The following ZNF536 variants were observed in gnomAD, a reference collection of about 807,000 sequenced individuals.
ZNF536 encodes zinc finger protein 536.
ZNF536 carries 13 observed loss-of-function variants against 84.5 expected under a neutral mutation model. The ratio of observed to expected loss-of-function variants is 0.15; its 90% confidence interval spans 0.10 to 0.24. ZNF536 has a LOEUF of 0.24. Among genes scored for constraint, ZNF536 ranks in the 10% least tolerant of loss-of-function variants. The pLI, the probability that ZNF536 is intolerant of heterozygous loss-of-function variation, is 1.00. For missense variants in ZNF536, 1,536 were observed against 1,747.5 expected, an observed-to-expected ratio of 0.88 and a Z score of 2.16; for synonymous variants, 811 against 742.5, an observed-to-expected ratio of 1.09 and a Z score of -1.50.
downstream of ZNF536, among the ~76,000 whole-genome samples, chr19:30,559,383 T>C (rs1398691984): frequency 6.6e-6 from 1 of 152,248 alleles, no homozygotes; most frequent in Non-Finnish European, 1.5e-5. Context: ...CCAGTGTATA[T>C]AGGCCAAGCC....
chr19:30,312,164 C>T (rs1051678406), intron 2 of ZNF536, among the ~76,000 whole-genome samples: 15 of 152,298 alleles, frequency 9.8e-5, no homozygotes, highest in Middle Eastern at 3.4e-3. Flanking sequence ...GTACAGTTTG[C>T]ACTTGCCATT....
chr19:30,274,452 CA>C (rs1279409805), intron 1 of ZNF536, among the ~76,000 whole-genome samples: 5 of 152,214 alleles, frequency 3.3e-5, no homozygotes, highest in African/African-American at 1.2e-4. Flanking sequence ...ATTAATGAGA[CA>C]TTTTTCATTC....
intron 1 of ZNF536, among the ~76,000 whole-genome samples, chr19:30,566,277 A>C (rs1035799416): frequency 6.6e-6 from 1 of 152,130 alleles, no homozygotes; most frequent in African/African-American, 2.4e-5. Context: ...TCTGGGGCAG[A>C]TGACTGTTTC....
intron 1 of ZNF536, among the ~76,000 whole-genome samples, chr19:30,579,710 C>T (rs1218597823): frequency 6.6e-6 from 1 of 152,142 alleles, no homozygotes; most frequent in African/African-American, 2.4e-5. Flanking sequence ...TCTTTCTGTC[C>T]CCACATCCCC....
intron 1 of ZNF536, among the ~76,000 whole-genome samples, chr19:30,617,012 C>T (rs767790547): frequency 2.0e-5 from 3 of 152,122 alleles, no homozygotes; most frequent in Middle Eastern, 3.4e-3. Flanking sequence ...TTTCTGATTT[C>T]GTGAATTTGG....
intron 1 of ZNF536, among the ~76,000 whole-genome samples, chr19:30,673,068 C>T (rs914213107): frequency 4.6e-5 from 7 of 152,180 alleles, no homozygotes; most frequent in Non-Finnish European, 1.0e-4. Flanking sequence ...AAACAGCCTG[C>T]AGGAGATGGC....
At chr19:30,631,546 G>A (rs1197660709) in intron 1 of ZNF536, among the ~76,000 whole-genome samples, 1 of 152,194 alleles carries the variant, frequency 6.6e-6, no homozygotes, top group East Asian at 1.9e-4. Context: ...TTTGGATCCT[G>A]CCGTAAAGGA....
At chr19:30,612,563 T>C (rs1456052867) in intron 1 of ZNF536, among the ~76,000 whole-genome samples, 2 of 152,234 alleles carry the variant, frequency 1.3e-5, no homozygotes, top group Non-Finnish European at 2.9e-5. Context: ...GGATTTTCCA[T>C]TTTGATGTAA....
At chr19:30,607,999 T>C (rs1599977870) in intron 1 of ZNF536, among the ~76,000 whole-genome samples, 1 of 152,336 alleles carries the variant, frequency 6.6e-6, no homozygotes, top group East Asian at 1.9e-4. Flanking sequence ...CTGGTATTGA[T>C]GCTTACCCAT....
chr19:30,569,559 C>CTTTTTTTTTTTTTTTTTTTT (rs34995610), intron 1 of ZNF536, among the ~76,000 whole-genome samples: 1 of 55,094 alleles, frequency 1.8e-5, no homozygotes, highest in Non-Finnish European at 3.3e-5. Context: ...GATAAACGTT[C>CTTTTTTTTTTTTTTTTTTTT]TTTTTTTTTT....
intron 1 of ZNF536, among the ~76,000 whole-genome samples, chr19:30,248,912 C>T (rs776583245): frequency 2.0e-5 from 3 of 152,202 alleles, no homozygotes; most frequent in East Asian, 1.9e-4. Flanking sequence ...GGACAAGTCA[C>T]TACTGTGTGC....
In ZNF536 at chr19:30,445,212, C is replaced by A. The variant is rs1366666974; in HGVS notation, c.1650C>A (p.Asp550Glu). 6.2e-7 allele frequency: 1 copy of A among 1,614,178 alleles called. No homozygotes were observed. Among genetic ancestry groups the A allele is most frequent in the South Asian group, 1.1e-5 (1 of 91,088 alleles). The change falls in exon 2 of 5, where the codon GAC (aspartate) becomes GAA (glutamate). Residue 550 changes from aspartate to glutamate, a missense_variant. Around this residue, in one of 8 missense-constraint regions of ZNF536, gnomAD observed 366 missense variants for 364.4 expected, o/e 1.00. Coordinates refer to ENST00000355537, the MANE Select transcript of ZNF536 (RefSeq NM_014717.3). This position sits in a 1 kb window ranked among gnomAD's most constrained non-coding sequence, Gnocchi z 4.5. ...ATCCGCTGCAGCGCAACCACGAAGACACTTTGGCAAACGCCGGGGTTCTGT... is the reference window on the plus strand; with the variant it reads ...ATCCGCTGCAGCGCAACCACGAAGAAACTTTGGCAAACGCCGGGGTTCTGT... ...KEHPLQRNHE[D>E]TLANAGVLFD... is the part of the protein sequence containing the mutation.
At chr19:30,632,642 TCAACCAACAAACCAAC>T (rs750033485) in intron 1 of ZNF536, among the ~76,000 whole-genome samples, 2,039 of 102,792 alleles carry the variant, frequency 0.02, 24 homozygotes, top group Middle Eastern at 0.036. Context: ...AACCAACCAA[TCAACCAACAAACCAAC>T]CAACCAACCA....
intron 1 of ZNF536, among the ~76,000 whole-genome samples, chr19:30,407,267 C>T (rs1385831346): frequency 6.6e-6 from 1 of 152,158 alleles, no homozygotes; most frequent in African/African-American, 2.4e-5. Flanking sequence ...GCTAGTTTTT[C>T]TAAACATTAC....
At chr19:30,476,964 T>A (rs2053874578) in intron 2 of ZNF536, among the ~76,000 whole-genome samples, 1 of 152,120 alleles carries the variant, frequency 6.6e-6, no homozygotes, top group African/African-American at 2.4e-5. Flanking sequence ...TGGGTTTTTT[T>A]TTTTAATAGA....
chr19:30,598,712 A>G (rs1175588396), intron 1 of ZNF536, among the ~76,000 whole-genome samples: 8 of 152,152 alleles, frequency 5.3e-5, no homozygotes, highest in African/African-American at 9.7e-5. Context: ...TCTATGATTC[A>G]TTGTGAAAAA....
At chr19:30,299,815 T>G (rs1380260364) in intron 2 of ZNF536, among the ~76,000 whole-genome samples, 1 of 152,216 alleles carries the variant, frequency 6.6e-6, no homozygotes, top group African/African-American at 2.4e-5. Flanking sequence ...CATTATGCCA[T>G]GGTACACATG....
chr19:30,641,944 A>T (rs1192091386), intron 1 of ZNF536, among the ~76,000 whole-genome samples: 2 of 152,186 alleles, frequency 1.3e-5, no homozygotes, highest in Non-Finnish European at 2.9e-5. Context: ...GGATAATAGT[A>T]CGAGCCAAAG....
intron 2 of ZNF536, among the ~76,000 whole-genome samples, chr19:30,468,742 G>C (rs1159157204): frequency 6.6e-6 from 1 of 152,160 alleles, no homozygotes; most frequent in African/African-American, 2.4e-5. Context: ...GTGCAGAGTA[G>C]AGCAGCGCTT....
Sources: allele counts gnomAD v4.1 joint callset (sites outside exome capture counted in the v4.1 genomes callset), GRCh38; gene constraint gnomAD v4.1.1; regional missense constraint gnomAD v4.1.1; non-coding constraint Gnocchi (gnomAD v3.1); transcripts MANE v1.5; gene names NCBI Gene and HGNC (gene_info 2026-07-23, HGNC 2026-07-21).